The following DOP1B variants were observed in gnomAD, a reference collection of about 807,000 sequenced individuals.
DOP1B encodes the protein DOP1 leucine zipper like protein B.
DOP1B carries 174 observed loss-of-function variants against 233.5 expected under a neutral mutation model. The ratio of observed to expected loss-of-function variants is 0.75; its 90% CI spans 0.66 to 0.85. DOP1B has a LOEUF of 0.85. Ranked by LOEUF, DOP1B falls within the 40% of genes least tolerant of loss-of-function variation. The pLI is 0.00. For missense variants in DOP1B, 2,652 were observed against 2,846.6 expected (o/e 0.93, Z 1.56); for synonymous variants, 1,190 against 1,185.6 (o/e 1.00, Z -0.08).
intron 15 of DOP1B, among the ~76,000 whole-genome samples, chr21:36,233,780 A>G (rs1455989342): frequency 6.6e-6 from 1 of 152,178 alleles, no homozygotes; most frequent in Non-Finnish European, 1.5e-5. Flanking sequence ...CACACCGCTC[A>G]GCTTTGGTTC....
At chr21:36,263,125 T>A (rs896924699) in intron 24 of DOP1B, among the ~76,000 whole-genome samples, 2 of 150,152 alleles carry the variant, frequency 1.3e-5, no homozygotes, top group African/African-American at 4.9e-5. Context: ...TCCCAGCTAT[T>A]CGGGAGGCTG....
chr21:36,180,369 G>C (rs996801413), intron 2 of DOP1B, among the ~76,000 whole-genome samples: 3 of 152,112 alleles, frequency 2.0e-5, no homozygotes, highest in African/African-American at 7.2e-5. Context: ...AGGAGTTCAA[G>C]ACCAGCCTGG....
chr21:36,190,257 G>A (rs528659073), intron 2 of DOP1B, among the ~76,000 whole-genome samples: 17 of 151,890 alleles, frequency 1.1e-4, no homozygotes, highest in Non-Finnish European at 2.2e-4. Context: ...CCCAGGAGGC[G>A]GAGGTTGCAG....
chr21:36,157,219 G>A (rs567383118), intron 1 of DOP1B, among the ~76,000 whole-genome samples: 1 of 152,254 alleles, frequency 6.6e-6, no homozygotes, highest in East Asian at 1.9e-4. Flanking sequence ...ACCCGACCCT[G>A]GCGCGGAGGA....
At position 36,279,780 on chromosome 21, in the gene DOP1B, CTA is replaced by C. The variant is rs2067395711; in HGVS notation, c.5970-503_5970-502del. 2.0e-5 allele frequency among the ~76,000 whole-genome samples: 3 copies of C among 147,664 alleles called. 1 individual carries two copies. In the South Asian group the frequency reaches 6.4e-4, roughly 32 times the overall value. ...ACTGGAAAAAGTCATCATTCATTCC[CTA>C]TGTTAGGGTTATAAATGAAAAGCTT... On this transcript the variant is annotated intron_variant, in intron 30 of 36. Transcript: ENST00000691173.
chr21:36,278,143 T>A, intron 29 of DOP1B, 59 bp downstream of exon 29: 1 of 1,613,436 alleles, frequency 6.2e-7, no homozygotes, highest in Non-Finnish European at 8.5e-7. Flanking sequence ...TTTTCACAAA[T>A]GAATCAAGTA....
chr21:36,257,735 TGTAG>T (rs2067120579), intron 23 of DOP1B, among the ~76,000 whole-genome samples: 2 of 128,660 alleles, frequency 1.6e-5, no homozygotes, highest in South Asian at 2.6e-4. Context: ...GGTAGATAGA[TGTAG>T]GTAGGTAGGT....
rs1371898005 is a variant in DOP1B at position 36,263,668 on chromosome 21, T to G, written c.5420+18T>G. On this transcript the variant is annotated intron_variant, in intron 25 of 36. Transcript: ENST00000691173. ...CTTCTCAGGTATCATGTCACCACAT[T>G]GTCATTGTGTAATATTTTCTCTTGG... 1 of 1,613,594 alleles carries G rather than the reference T, an allele frequency of 6.2e-7. No individual in the cohort carries two copies.
chr21:36,291,734 G>A (rs1465857684), intron 35 of DOP1B, among the ~76,000 whole-genome samples: 2 of 152,142 alleles, frequency 1.3e-5, no homozygotes, highest in Non-Finnish European at 2.9e-5. Flanking sequence ...ACTGAGACAC[G>A]CTGGAATCTG....
intron 5 of DOP1B, among the ~76,000 whole-genome samples, chr21:36,210,695 C>G (rs774054778): frequency 5.9e-5 from 9 of 151,960 alleles, no homozygotes; most frequent in Non-Finnish European, 1.2e-4. Context: ...ACCTATAATC[C>G]CAGCTACTCA....
intron 4 of DOP1B, among the ~76,000 whole-genome samples, chr21:36,205,179 C>A (rs2066413631): frequency 6.6e-6 from 1 of 152,232 alleles, no homozygotes. Context: ...AGCTGCAGAA[C>A]CAAAGTTGTG....
At chr21:36,204,979 A>G (rs2066411407) in intron 4 of DOP1B, among the ~76,000 whole-genome samples, 1 of 152,064 alleles carries the variant, frequency 6.6e-6, no homozygotes. Context: ...GGTTGGTTTC[A>G]GGCACTGTGA....
chr21:36,292,073 G>A, intron 35 of DOP1B, 31 bp from the exon 36 acceptor site: 1 of 1,572,260 alleles, frequency 6.4e-7, no homozygotes, highest in Middle Eastern at 1.7e-4. Context: ...CCTCTTACCA[G>A]CAGACCTGAC....
intron 11 of DOP1B, among the ~76,000 whole-genome samples, chr21:36,224,144 G>A (rs1267053003): frequency 1.3e-5 from 2 of 152,012 alleles, no homozygotes; most frequent in African/African-American, 4.8e-5. Flanking sequence ...TGGTCAGCCT[G>A]GTTGTTATGT....
chr21:36,199,335 G>A, intron 3 of DOP1B, 84 bp downstream of exon 3: 1 of 1,514,046 alleles, frequency 6.6e-7, no homozygotes, highest in African/African-American at 1.4e-5. Context: ...TGACAAACAG[G>A]CAAAATAAGC....
At chr21:36,231,908 C>T (rs1162086369) in intron 14 of DOP1B, among the ~76,000 whole-genome samples, 3 of 149,656 alleles carry the variant, frequency 2.0e-5, no homozygotes, top group Non-Finnish European at 4.4e-5. Flanking sequence ...TGCAGTGGCG[C>T]GATCTTGGCT....
At position 36,245,965 on chromosome 21, in the gene DOP1B, T is replaced by C; in HGVS notation, c.3985T>C (p.Cys1329Arg). The C allele has an allele frequency of 6.2e-7, 1 of 1,613,942 alleles. No homozygotes were observed. Residue 1329 changes from cysteine to arginine, a missense_variant, in exon 19 of 37, where the codon TGC becomes CGC. Transcript: ENST00000691173. The surrounding 1 kb of genome is among the most constrained non-coding windows in gnomAD (Gnocchi z 5.5). ...GAGCTTCCTGCGCTCCTACTACCCTTGCTATTTGAAGGTCTCGCACCGAGA... is the reference window on the plus strand; with the variant it reads ...GAGCTTCCTGCGCTCCTACTACCCTCGCTATTTGAAGGTCTCGCACCGAGA... ...CLSFLRSYYP[C>R]YLKVSHRDIL...
chr21:36,158,115 A>G (rs545693405), intron 1 of DOP1B, among the ~76,000 whole-genome samples: 2 of 152,230 alleles, frequency 1.3e-5, no homozygotes, highest in Non-Finnish European at 2.9e-5. Flanking sequence ...TTGATTTTCT[A>G]TGAAATTAAA....
rs1323593833 is a variant in DOP1B, at chr21:36,246,425, T to C, written c.4445T>C (p.Ile1482Thr). Residue 1482 changes from isoleucine (I) to threonine (T), a missense_variant, in exon 19 of 37, where the codon ATC becomes ACC. Physicochemically the swap from Ile to Thr is moderately conservative, Grantham distance 89. Transcript: ENST00000691173. The surrounding 1 kb of genome is among the most constrained non-coding windows in gnomAD (Gnocchi z 5.1). ...AGAGCCCTGAACTTCCAGCAGGCCA[T>C]CAGCGCCCTGCAGTACGTGCAGCCC... Reference protein sequence around the residue: ...WQRALNFQQAISALQYVQPHP... With the variant: ...WQRALNFQQATSALQYVQPHP... 1.2e-6 allele frequency: 2 copies of C among 1,613,404 alleles called. No homozygotes were observed. Among genetic ancestry groups the C allele is most frequent in the Non-Finnish European group, 1.7e-6 (2 of 1,179,850 alleles).
Sources: gnomAD v4.1 joint callset for allele counts (sites outside exome capture counted in the v4.1 genomes callset) on GRCh38, gnomAD v4.1.1 for gene constraint, Gnocchi (gnomAD v3.1) non-coding constraint, MANE v1.5 for transcripts, NCBI Gene and HGNC (gene_info 2026-07-23, HGNC 2026-07-21) for gene names.